SLC39A11: variants seen among roughly 807,000 people sequenced by gnomAD.
SLC39A11 encodes the protein zinc transporter ZIP11.
SLC39A11 carries 33 observed loss-of-function variants against 36.1 expected under a neutral mutation model. That is an observed-to-expected ratio of 0.91 (90% CI 0.69 to 1.22). The LOEUF (loss-of-function observed/expected upper bound fraction) is 1.22, where lower values mean the gene tolerates loss of function less well. Ranked by LOEUF, SLC39A11 falls within the 50% of genes most tolerant of loss-of-function variation. The probability of loss-of-function intolerance (pLI) is 0.00; values close to 1 mark genes in which losing one functional copy is unlikely to be tolerated. For missense variants in SLC39A11, 432 were observed against 430.3 expected (o/e 1.00, Z -0.03); for synonymous variants, 166 against 170.3 (o/e 0.97, Z 0.20).
At chr17:72,988,364 G>C (rs903167839) in intron 4 of SLC39A11, among the ~76,000 whole-genome samples, 1 of 152,168 alleles carries the variant, frequency 6.6e-6, no homozygotes, top group Non-Finnish European at 1.5e-5. Flanking sequence ...TGGAGGCTGA[G>C]GCATGAGAAT....
rs372089784 is a variant in SLC39A11, at chr17:73,070,816, G to A, written c.147+13992C>T. On this transcript the variant is annotated intron_variant, in intron 3 of 9. Transcript: ENST00000255559. ...CACAAGCTCTCTTCTCTTGTCTGCC[G>A]CCATGTCAGACATGCCTTTCACTTT... is the stretch of plus-strand genomic sequence containing the variant. Among the ~76,000 whole-genome samples, 52 of 152,202 alleles carry A rather than the reference G, an allele frequency of 3.4e-4. 1 individual carries two copies. Among genetic ancestry groups the A allele is most frequent in the East Asian group, 3.3e-3 (17 of 5,180 alleles).
At chr17:73,044,629 T>C (rs1009986596) in intron 3 of SLC39A11, among the ~76,000 whole-genome samples, 7 of 152,134 alleles carry the variant, frequency 4.6e-5, no homozygotes, top group Admixed American at 2.0e-4. Flanking sequence ...ATTCCAGCAA[T>C]TTGGGAGGCC....
intron 6 of SLC39A11, among the ~76,000 whole-genome samples, chr17:72,745,144 A>C (rs2074881291): frequency 6.6e-6 from 1 of 152,182 alleles, no homozygotes; most frequent in Non-Finnish European, 1.5e-5. Flanking sequence ...ACCTGGCCTC[A>C]CATTTTTGAG....
rs1457146345 is a variant in SLC39A11, at chr17:72,646,894, T to C, written c.*690A>G. On this transcript the variant is annotated 3_prime_UTR_variant, in exon 10 of 10. Transcript: ENST00000255559. ...TCTCTTCTTTCCACAGGGCTCACTG[T>C]GAGTTCACAGTTGTCCTCATCCCCT... 2 of 150,760 alleles carry C rather than the reference T, an allele frequency of 1.3e-5. No individual in the cohort carries two copies. The highest frequency in any genetic ancestry group is 4.9e-5 in the African/African-American group (2 of 40,796). The allele number at this position is 150,760 out of a possible 1,614,324, so 9.3% of individuals were successfully genotyped here. A position where few individuals can be genotyped will look rare whatever the true frequency, so the allele number is the denominator to read the frequency against.
intron 3 of SLC39A11, among the ~76,000 whole-genome samples, chr17:73,037,470 G>A (rs549560292): frequency 7.1e-4 from 108 of 152,224 alleles, no homozygotes; most frequent in Non-Finnish European, 1.2e-3. Context: ...GAACGGGCAG[G>A]CCACAGAGGA....
rs139772259 is a variant in SLC39A11, at chr17:72,935,863, A to G, written c.430+11889T>C. ...CTCCCAAAGTGCTGGGATTACAGGCATGAGCCACTGTGCCTGGCTATCACC... is the reference window on the plus strand; with the variant it reads ...CTCCCAAAGTGCTGGGATTACAGGCGTGAGCCACTGTGCCTGGCTATCACC... On this transcript the variant is annotated intron_variant, in intron 5 of 9. Transcript: ENST00000255559. Among the ~76,000 whole-genome samples the G allele has an allele frequency of 8.7e-3, 1,326 of 151,550 alleles. 58 individuals carry two copies. In the East Asian group the frequency reaches 0.099, roughly 11 times the overall value.
At chr17:72,896,657 T>C (rs974448686) in intron 5 of SLC39A11, among the ~76,000 whole-genome samples, 2 of 152,082 alleles carry the variant, frequency 1.3e-5, no homozygotes, top group African/African-American at 2.4e-5. Flanking sequence ...CATTTGTTCA[T>C]TGTAATGACA....
intron 6 of SLC39A11, among the ~76,000 whole-genome samples, chr17:72,771,933 G>T (rs1218117860): frequency 2.0e-5 from 3 of 152,166 alleles, no homozygotes; most frequent in Non-Finnish European, 1.5e-5. Context: ...CTCTCCAAGA[G>T]GGGAGCCTCT....
intron 7 of SLC39A11, among the ~76,000 whole-genome samples, chr17:72,732,546 C>T (rs1169758387): frequency 1.3e-5 from 2 of 152,184 alleles, no homozygotes; most frequent in African/African-American, 4.8e-5. Flanking sequence ...TATTTTGTCC[C>T]TCGGTTCGGG....
At chr17:72,695,713 T>C (rs998005786) in intron 7 of SLC39A11, among the ~76,000 whole-genome samples, 7 of 152,084 alleles carry the variant, frequency 4.6e-5, no homozygotes, top group African/African-American at 1.7e-4. Context: ...ACGAGTGTCC[T>C]TAGAAAAGAC....
chr17:72,929,329 T>C lies in SLC39A11; in HGVS notation c.430+18423A>G, dbSNP rs554336747. Reference sequence around the variant, plus strand: ...CAGCAGTGCTAAGCATGCTGCAATATACAAGACATGGCTACCCCATAAAGA... The same window carrying C: ...CAGCAGTGCTAAGCATGCTGCAATACACAAGACATGGCTACCCCATAAAGA... On this transcript the variant is annotated intron_variant, in intron 5 of 9. Coordinates refer to ENST00000255559, the MANE Select transcript of SLC39A11 (RefSeq NM_139177.4). Among the ~76,000 whole-genome samples, 45 of 152,208 alleles carry C rather than the reference T, an allele frequency of 3.0e-4. No homozygotes were observed. In the South Asian group the frequency reaches 8.7e-3, roughly 30 times the overall value.
intron 4 of SLC39A11, among the ~76,000 whole-genome samples, chr17:73,008,902 AAT>A (rs1289267875): frequency 6.6e-6 from 1 of 151,774 alleles, no homozygotes; most frequent in African/African-American, 2.4e-5. Context: ...AAAAAAAATA[AAT>A]AAATAAAATA....
intron 7 of SLC39A11, among the ~76,000 whole-genome samples, chr17:72,668,202 T>A (rs28497146): frequency 0.37 from 49,106 of 133,278 alleles, 8,042 homozygotes; most frequent in African/African-American, 0.44. Flanking sequence ...AAGAATCTTT[T>A]AAAAAAAAAA....
rs181261015 is a variant in SLC39A11 at position 72,743,338 on chromosome 17, C to T, written c.602-6619G>A. Reference sequence around the variant, plus strand: ...GAACACTGGCATCTGAGTCTCTGTACCCTGAAGAGGTTTGGAGCAAAGGGA... The same window carrying T: ...GAACACTGGCATCTGAGTCTCTGTATCCTGAAGAGGTTTGGAGCAAAGGGA... On this transcript the variant is annotated intron_variant, in intron 6 of 9. Coordinates refer to ENST00000255559, the MANE Select transcript of SLC39A11 (RefSeq NM_139177.4). 2.0e-5 allele frequency among the ~76,000 whole-genome samples: 3 copies of T among 152,324 alleles called. No individual in the cohort carries two copies. In the East Asian group the frequency reaches 5.8e-4, roughly 29 times the overall value.
At chr17:72,924,380 AT>A (rs1450778264) in intron 5 of SLC39A11, among the ~76,000 whole-genome samples, 1 of 152,090 alleles carries the variant, frequency 6.6e-6, no homozygotes, top group Non-Finnish European at 1.5e-5. Context: ...CTGTAATTAA[AT>A]CCAGAAGGAG....
At chr17:72,960,424 T>C (rs576354631) in intron 4 of SLC39A11, among the ~76,000 whole-genome samples, 190 of 152,160 alleles carry the variant, frequency 1.2e-3, no homozygotes, top group Non-Finnish European at 1.0e-3. Context: ...GATTGACAGA[T>C]AGATAGATAA....
At chr17:72,672,514 T>A (rs138303024) in intron 7 of SLC39A11, among the ~76,000 whole-genome samples, 2 of 152,362 alleles carry the variant, frequency 1.3e-5, no homozygotes, top group East Asian at 3.9e-4. Context: ...ACCAGCACCA[T>A]AAGATTCATC....
intron 7 of SLC39A11, among the ~76,000 whole-genome samples, chr17:72,676,297 CCT>C (rs1436419514): frequency 6.6e-6 from 1 of 152,028 alleles, no homozygotes; most frequent in Non-Finnish European, 1.5e-5. Context: ...GACCCCAGCC[CCT>C]GATACCTTCT....
intron 6 of SLC39A11, among the ~76,000 whole-genome samples, chr17:72,814,385 G>A (rs76522181): frequency 0.013 from 1,999 of 152,306 alleles, 42 homozygotes; most frequent in African/African-American, 0.046. Context: ...TACCAAGAAC[G>A]GCCTTGGAGA....
Sources: allele counts gnomAD v4.1 joint callset (sites outside exome capture counted in the v4.1 genomes callset), GRCh38; gene constraint gnomAD v4.1.1; transcripts MANE v1.5; gene names NCBI Gene and HGNC (gene_info 2026-07-23, HGNC 2026-07-21).